Variants in ZFYVE26 observed in about 807,000 individuals in gnomAD.
ZFYVE26 encodes the protein zinc finger FYVE-type containing 26.
ZFYVE26 carries 181 observed loss-of-function variants against 276.5 expected under a neutral mutation model. That is an observed-to-expected ratio of 0.65 (90% CI 0.58 to 0.74). The LOEUF is 0.74. Ranked by LOEUF, ZFYVE26 falls within the 30% of genes least tolerant of loss-of-function variation. ZFYVE26 has a pLI of 0.00. For missense variants in ZFYVE26, 2,821 were observed against 3,097.9 expected, an observed-to-expected ratio of 0.91 and a Z score of 2.12; for synonymous variants, 1,129 against 1,203.1, an observed-to-expected ratio of 0.94 and a Z score of 1.27.
At position 67,784,422 on chromosome 14, in the gene ZFYVE26, T is replaced by C. The variant is rs2039595319; in HGVS notation, c.3538A>G (p.Lys1180Glu). The change falls in exon 20 of 42, where the codon AAG becomes GAG. Residue 1180 changes from lysine to glutamate, a missense_variant. Transcript: ENST00000347230. ...LSSEPDHVEVKVGNPFVLLQQ... is the reference protein window; with the variant it reads ...LSSEPDHVEVEVGNPFVLLQQ... ...AGCAGAACAAAGGGATTTCCTACCTTGACCTCCACATGATCTGCAAAGGTA... is the reference window on the plus strand; with the variant it reads ...AGCAGAACAAAGGGATTTCCTACCTCGACCTCCACATGATCTGCAAAGGTA... The C allele has an allele frequency of 5.0e-6, 8 of 1,614,042 alleles. No individual in the cohort carries two copies. The South Asian group carries it at 6.6e-5, about 13-fold the overall frequency.
chr14:67,781,036 C>T (rs1275042721), intron 22 of ZFYVE26, among the ~76,000 whole-genome samples: 1 of 152,158 alleles, frequency 6.6e-6, no homozygotes, highest in Admixed American at 6.5e-5. Flanking sequence ...CAAAAATATA[C>T]ACAAAGCTCA....
At chr14:67,802,335 C>T in intron 9 of ZFYVE26, 53 bp from the exon 10 acceptor site, 1 of 1,576,752 alleles carries the variant, frequency 6.3e-7, no homozygotes, top group Non-Finnish European at 8.7e-7. Context: ...ATTCAGGATG[C>T]AAGTATGGGT....
chr14:67,779,494 G>A (rs748237952), intron 23 of ZFYVE26, among the ~76,000 whole-genome samples: 9 of 152,088 alleles, frequency 5.9e-5, no homozygotes, highest in Non-Finnish European at 1.0e-4. Context: ...CCCGGGAGGC[G>A]GAGGTTGCAG....
chr14:67,802,017 C>A (rs2040087116), intron 10 of ZFYVE26, 62 bp downstream of exon 10: 5 of 1,588,236 alleles, frequency 3.1e-6, no homozygotes, highest in African/African-American at 1.3e-5. Flanking sequence ...GGTAAACACA[C>A]AAAGCACCCA....
In ZFYVE26 at chr14:67,756,134, T is replaced by C. The variant is rs750354943; in HGVS notation, c.6600A>G (p.Pro2200=). 13 of 1,614,010 alleles carry C rather than the reference T, an allele frequency of 8.1e-6. No individual in the cohort carries two copies. The East Asian group carries it at 2.2e-4, about 28-fold the overall frequency. The change falls in exon 36 of 42, where the codon CCA becomes CCG. Residue 2200 remains proline, a synonymous_variant. Transcript: ENST00000347230. ...LLHLLNKESP[P]EVFIEGIFQP... ...GGAAAATGCCTTCTATAAAAACTTCTGGAGGACTCTCCTGGAGCAGGGCAG... is the reference window on the plus strand; with the variant it reads ...GGAAAATGCCTTCTATAAAAACTTCCGGAGGACTCTCCTGGAGCAGGGCAG...
At chr14:67,750,877 C>A in intron 41 of ZFYVE26, 175 bp downstream of exon 41, 1 of 784,466 alleles carries the variant, frequency 1.3e-6, no homozygotes, top group East Asian at 2.6e-5. Flanking sequence ...ACCTGCTCCT[C>A]ATCTATTCCC....
At chr14:67,807,113 TA>T (rs1236432386) in intron 5 of ZFYVE26, among the ~76,000 whole-genome samples, 1 of 152,112 alleles carries the variant, frequency 6.6e-6, no homozygotes, top group Non-Finnish European at 1.5e-5. Flanking sequence ...AGCTAATTTC[TA>T]AATTTTTTTT....
In ZFYVE26 at chr14:67,785,200, G is replaced by A. The variant is rs988442865; in HGVS notation, c.3382C>T (p.Gln1128Ter). 2.5e-6 allele frequency: 4 copies of A among 1,614,010 alleles called. No homozygotes were observed. Among genetic ancestry groups the A allele is most frequent in the Non-Finnish European group, 3.4e-6 (4 of 1,179,994 alleles). The change falls in exon 19 of 42, where the codon CAG becomes TAG. Residue 1128 changes from glutamine (Q) to a stop codon, truncating the protein, a stop_gained. Coordinates refer to ENST00000347230, the MANE Select transcript of ZFYVE26 (RefSeq NM_015346.4). LOFTEE classifies it high-confidence loss of function. The part of the protein sequence containing the change: ...KAPEAEAHPV[Q>*]IQTQLLQKNL... ...TTCTGGAGGAGCTGAGTCTGGATCT[G>A]CACAGGGTGGGCCTCTGCCTCTGGA...
chr14:67,734,470 C>T (rs1264460460), intron 13 of ZFYVE26: 2 of 154,724 alleles, frequency 1.3e-5, no homozygotes, highest in African/African-American at 4.8e-5. Flanking sequence ...TTTATTTTCT[C>T]AGGGCAGCAA....
intron 9 of ZFYVE26, among the ~76,000 whole-genome samples, chr14:67,803,532 G>A (rs2040119081): frequency 6.6e-6 from 1 of 151,926 alleles, no homozygotes; most frequent in African/African-American, 2.4e-5. Context: ...TGGTAGAGAC[G>A]GGGTTTCACC....
intron 2 of ZFYVE26, among the ~76,000 whole-genome samples, chr14:67,814,729 C>A (rs1174974775): frequency 2.0e-5 from 3 of 152,112 alleles, no homozygotes; most frequent in African/African-American, 7.2e-5. Context: ...GAACTTCATA[C>A]AAATTTATTT....
intron 25 of ZFYVE26, 37 bp downstream of exon 25, chr14:67,777,522 C>A (rs774609673): frequency 6.3e-7 from 1 of 1,596,068 alleles, no homozygotes; most frequent in East Asian, 2.3e-5. Context: ...ACCTTGGATC[C>A]CACATACAGC....
At chr14:67,740,030 G>A (rs567142046) in intron 13 of ZFYVE26, among the ~76,000 whole-genome samples, 19 of 152,246 alleles carry the variant, frequency 1.2e-4, no homozygotes, top group African/African-American at 4.6e-4. Flanking sequence ...AAAATCAATG[G>A]TTCCATTATT....
At chr14:67,769,018 T>C (rs892025810) in intron 29 of ZFYVE26, among the ~76,000 whole-genome samples, 1 of 152,202 alleles carries the variant, frequency 6.6e-6, no homozygotes, top group Non-Finnish European at 1.5e-5. Flanking sequence ...CATGCTTCTT[T>C]GCTACTAGAA....
At chr14:67,760,102 A>T (rs2038893961) in intron 35 of ZFYVE26, among the ~76,000 whole-genome samples, 1 of 152,232 alleles carries the variant, frequency 6.6e-6, no homozygotes, top group Non-Finnish European at 1.5e-5. Flanking sequence ...TCGTCAGCTT[A>T]TACCAAGCTA....
At chr14:67,733,814 TC>T in intron 13 of ZFYVE26, 2 of 1,613,388 alleles carry the variant, frequency 1.2e-6, no homozygotes, top group Non-Finnish European at 1.7e-6. Context: ...CTATGGAATG[TC>T]AGCTGTGAGC....
Position 67,786,192 on chromosome 14 carries a change from G to T in ZFYVE26, c.3061C>A (p.Arg1021=). 6.2e-7 allele frequency: 1 copy of T among 1,604,200 alleles called. No individual in the cohort carries two copies. Among genetic ancestry groups the T allele is most frequent in the South Asian group, 1.1e-5 (1 of 90,844 alleles). ...DHVLLNADGI[R]GFPVVLQQIS... Reference sequence around the variant, plus strand: ...TGCTGAAGAACAACTGGAAAACCTCGAATGCCATCAGCATTTAGGAGTACG... The same window carrying T: ...TGCTGAAGAACAACTGGAAAACCTCTAATGCCATCAGCATTTAGGAGTACG... Residue 1021 remains arginine, a synonymous_variant, in exon 17 of 42, where the codon CGA becomes AGA. Coordinates refer to ENST00000347230, the MANE Select transcript of ZFYVE26 (RefSeq NM_015346.4).
At chr14:67,765,503 C>A (rs573260505) in intron 32 of ZFYVE26, among the ~76,000 whole-genome samples, 2 of 152,288 alleles carry the variant, frequency 1.3e-5, no homozygotes, top group African/African-American at 4.8e-5. Context: ...AAGCAAATGT[C>A]TGAGGGAGGC....
intron 3 of ZFYVE26, among the ~76,000 whole-genome samples, chr14:67,810,374 G>A (rs1320591848): frequency 2.6e-5 from 4 of 152,158 alleles, no homozygotes; most frequent in African/African-American, 9.7e-5. Context: ...AGTATAAGGG[G>A]AGAAATCCAA....
Sources: gnomAD v4.1 joint callset for allele counts (sites outside exome capture counted in the v4.1 genomes callset) on GRCh38, gnomAD v4.1.1 for gene constraint, MANE v1.5 for transcripts, NCBI Gene and HGNC (gene_info 2026-07-23, HGNC 2026-07-21) for gene names.